The following OR2AG2 variants were observed in gnomAD, a reference collection of about 807,000 sequenced individuals.
The protein encoded by OR2AG2 is olfactory receptor family 2 subfamily AG member 2.
For synonymous variants in OR2AG2, 167 were observed against 157.1 expected, an observed-to-expected ratio of 1.06 and a Z score of -0.47; for missense variants, 390 against 391.9, an observed-to-expected ratio of 1.00 and a Z score of 0.04.
rs1847391640 is a variant in OR2AG2, at chr11:6,767,824, C to G, written c.*183G>C. ...TGATGTGTGCCAAATGAGTTTAACT[C>G]AAGATCATTGTACACACCAGATTCA... On this transcript the variant is annotated 3_prime_UTR_variant, in exon 2 of 2. Transcript: ENST00000641124. 1 of 577,484 alleles carries G rather than the reference C, an allele frequency of 1.7e-6. No homozygotes were observed. The highest frequency in any genetic ancestry group is 3.0e-6 in the Non-Finnish European group (1 of 335,668). 35.8% of individuals were successfully genotyped at this position (577,484 alleles called of 1,614,324 possible).
chr11:6,769,412 T>C lies in OR2AG2; in HGVS notation c.-455A>G, dbSNP rs12278907. On this transcript the variant is annotated 5_prime_UTR_variant, in exon 2 of 2. It removes an upstream start codon present in the reference 5' UTR. Transcript: ENST00000641124. ...TGTCTTCTCCCTTAAACCAGTCTCA[T>C]TGTTGTTGATTACTTTCCTCAGTAG... is the stretch of plus-strand genomic sequence containing the variant. The C allele has an allele frequency of 0.018, 2,820 of 158,154 alleles. 94 individuals carry two copies. Among genetic ancestry groups the C allele is most frequent in the African/African-American group, 0.064 (2,664 of 41,554 alleles). 9.8% of individuals were successfully genotyped at this position (158,154 alleles called of 1,614,324 possible).
rs994228585 is a variant in OR2AG2 at position 6,767,759 on chromosome 11, C to T, written c.*248G>A. ...CAACACCCATTCAAGGCTTTTCCCC[C>T]ATCTGGTTATTTTTATAACATGGGT... On this transcript the variant is annotated 3_prime_UTR_variant, in exon 2 of 2. Transcript: ENST00000641124. The T allele has an allele frequency of 2.1e-6, 1 of 486,808 alleles. No homozygotes were observed. Among genetic ancestry groups the T allele is most frequent in the South Asian group, 3.5e-5 (1 of 28,894 alleles). 30.2% of individuals were successfully genotyped at this position (486,808 alleles called of 1,614,324 possible).
chr11:6,765,634 A>G lies in OR2AG2; in HGVS notation c.*2373T>C, dbSNP rs2119645147. 1 of 152,282 alleles carries G rather than the reference A, an allele frequency of 6.6e-6. No individual in the cohort carries two copies. The highest frequency in any genetic ancestry group is 1.5e-5 in the Non-Finnish European group (1 of 68,002). 9.4% of individuals were successfully genotyped at this position (152,282 alleles called of 1,614,324 possible). ...ATATCACATGATCTCATTTATATGC[A>G]GAACCTGTAAGCTGAATTTACAGAA... On this transcript the variant is annotated 3_prime_UTR_variant, in exon 2 of 2. Coordinates refer to ENST00000641124, the MANE Select transcript of OR2AG2 (RefSeq NM_001004490.2).
chr11:6,768,132 C>T lies in OR2AG2; in HGVS notation c.826G>A (p.Val276Ile), dbSNP rs751623997. 2 of 1,614,096 alleles carry T rather than the reference C, an allele frequency of 1.2e-6. No homozygotes were observed. Among genetic ancestry groups the T allele is most frequent in the Non-Finnish European group, 1.7e-6 (2 of 1,180,018 alleles). ...HSPKQDNIIS[V>I]FYTIVTPALN... Reference sequence around the variant, plus strand: ...GCTGGAGTGACAATTGTGTAGAAAACAGAGATGATGTTGTCTTGTTTGGGG... The same window carrying T: ...GCTGGAGTGACAATTGTGTAGAAAATAGAGATGATGTTGTCTTGTTTGGGG... The change falls in exon 2 of 2, where the codon GTT becomes ATT. Residue 276 changes from valine (V) to isoleucine (I), a missense_variant. Coordinates refer to ENST00000641124, the MANE Select transcript of OR2AG2 (RefSeq NM_001004490.2).
In OR2AG2 at chr11:6,769,083, T is replaced by C. The variant is rs921011130; in HGVS notation, c.-126A>G. ...GGCCAATAGGAATCCCATAATATGA[T>C]ATATTTTCCATTTCTTAGTATGCCT... is the stretch of plus-strand genomic sequence containing the variant. On this transcript the variant is annotated 5_prime_UTR_variant, in exon 2 of 2. In the 5' UTR this introduces an upstream ATG that the reference lacks. Coordinates refer to ENST00000641124, the MANE Select transcript of OR2AG2 (RefSeq NM_001004490.2). 3.3e-6 allele frequency: 2 copies of C among 610,616 alleles called. No individual in the cohort carries two copies. The highest frequency in any genetic ancestry group is 1.8e-5 in the African/African-American group (1 of 54,354). The allele number at this position is 610,616 out of a possible 1,614,324, so 37.8% of individuals were successfully genotyped here. A position where few individuals can be genotyped will look rare whatever the true frequency, so the allele number is the denominator to read the frequency against.
chr11:6,771,167 T>C (rs1847443249), intron 1 of OR2AG2, among the ~76,000 whole-genome samples: 1 of 152,266 alleles, frequency 6.6e-6, no homozygotes, highest in South Asian at 2.1e-4. Flanking sequence ...TTCTTTTTCA[T>C]CTCTGCTCAG....
rs1249259398 is a variant in OR2AG2, at chr11:6,767,737, C to G, written c.*270G>C. 2.2e-6 allele frequency: 1 copy of G among 444,876 alleles called. No homozygotes were observed. Among genetic ancestry groups the G allele is most frequent in the African/African-American group, 2.0e-5 (1 of 50,534 alleles). The allele number at this position is 444,876 out of a possible 1,614,324, so 27.6% of individuals were successfully genotyped here. ...TGCCTACCACAGAGTGAGTCTACAA[C>G]ACCCATTCAAGGCTTTTCCCCCATC... On this transcript the variant is annotated 3_prime_UTR_variant, in exon 2 of 2. Coordinates refer to ENST00000641124, the MANE Select transcript of OR2AG2 (RefSeq NM_001004490.2).
In OR2AG2 at chr11:6,767,924, G is replaced by A. The variant is rs925885421; in HGVS notation, c.*83C>T. The stretch of plus-strand genomic sequence containing the variant: ...TACAGTATTGAAGAATGAGTGAGTA[G>A]AGAATTTTATTTGGAGCAGGAATGA... On this transcript the variant is annotated 3_prime_UTR_variant, in exon 2 of 2. Coordinates refer to ENST00000641124, the MANE Select transcript of OR2AG2 (RefSeq NM_001004490.2). The A allele has an allele frequency of 5.1e-6, 6 of 1,166,208 alleles. No homozygotes were observed. In the African/African-American group the frequency reaches 6.3e-5, roughly 12 times the overall value. The allele number at this position is 1,166,208 out of a possible 1,614,324, so 72.2% of individuals were successfully genotyped here.
rs967438450 is a variant in OR2AG2 at position 6,767,919 on chromosome 11, G to A, written c.*88C>T. ...CAGAGTACAGTATTGAAGAATGAGTGAGTAGAGAATTTTATTTGGAGCAGG... is the reference window on the plus strand; with the variant it reads ...CAGAGTACAGTATTGAAGAATGAGTAAGTAGAGAATTTTATTTGGAGCAGG... On this transcript the variant is annotated 3_prime_UTR_variant, in exon 2 of 2. Transcript: ENST00000641124. 2.8e-6 allele frequency: 3 copies of A among 1,089,882 alleles called. No individual in the cohort carries two copies. Among genetic ancestry groups the A allele is most frequent in the Non-Finnish European group, 2.6e-6 (2 of 756,440 alleles). 67.5% of individuals were successfully genotyped at this position (1,089,882 alleles called of 1,614,324 possible). A position where few individuals can be genotyped will look rare whatever the true frequency, so the allele number is the denominator to read the frequency against.
intron 1 of OR2AG2, among the ~76,000 whole-genome samples, chr11:6,770,402 A>T (rs533811600): frequency 1.4e-3 from 196 of 144,596 alleles, no homozygotes; most frequent in Admixed American, 5.4e-3. Flanking sequence ...GGATATAATT[A>T]AAAAAAAAAA....
chr11:6,767,955 T>TAG lies in OR2AG2; in HGVS notation c.*50_*51dup. 1 of 1,442,100 alleles carries TAG rather than the reference T, an allele frequency of 6.9e-7. No individual in the cohort carries two copies. The highest frequency in any genetic ancestry group is 9.5e-7 in the Non-Finnish European group (1 of 1,052,174). The allele number at this position is 1,442,100 out of a possible 1,614,324, so 89.3% of individuals were successfully genotyped here. Reference sequence around the variant, plus strand: ...TTTATTTGGAGCAGGAATGAGTGAGTAGAGAATTTTATCTGGAGGAGGAAT... The same window carrying TAG: ...TTTATTTGGAGCAGGAATGAGTGAGTAGAGAGAATTTTATCTGGAGGAGGAAT... On this transcript the variant is annotated 3_prime_UTR_variant, in exon 2 of 2. Transcript: ENST00000641124.
chr11:6,768,609 A>G lies in OR2AG2; in HGVS notation c.349T>C (p.Phe117Leu). The change falls in exon 2 of 2, where the codon TTC becomes CTC. Residue 117 changes from phenylalanine (F) to leucine (L), a missense_variant. By Grantham distance (22) the Phe-to-Leu change is conservative. Coordinates refer to ENST00000641124, the MANE Select transcript of OR2AG2 (RefSeq NM_001004490.2). ...GCCACATACCTGTCATAGGCCATGA[A>G]GGCCAGTAGGAGGTCCTCAGCGCTA... The part of the protein sequence containing the change: ...MGSAEDLLLA[F>L]MAYDRYVAIC... 6.2e-7 allele frequency: 1 copy of G among 1,614,226 alleles called. No homozygotes were observed. The highest frequency in any genetic ancestry group is 8.5e-7 in the Non-Finnish European group (1 of 1,180,034).
intron 1 of OR2AG2, among the ~76,000 whole-genome samples, chr11:6,769,862 AG>A (rs1463199802): frequency 1.3e-5 from 2 of 152,164 alleles, no homozygotes; most frequent in Non-Finnish European, 2.9e-5. Context: ...CTCTGCTGCT[AG>A]GGGTTGGGGA....
intron 1 of OR2AG2, among the ~76,000 whole-genome samples, 154 bp from the exon 2 acceptor site, chr11:6,769,648 G>T (rs1847428313): frequency 6.6e-6 from 1 of 152,150 alleles, no homozygotes; most frequent in African/African-American, 2.4e-5. Context: ...TGAGATTTGT[G>T]GTGGCATGGC....
Position 6,765,635 on chromosome 11 carries a change from G to A in OR2AG2, c.*2372C>T, listed in dbSNP as rs1847365892. Reference sequence around the variant, plus strand: ...TATCACATGATCTCATTTATATGCAGAACCTGTAAGCTGAATTTACAGAAA... The same window carrying A: ...TATCACATGATCTCATTTATATGCAAAACCTGTAAGCTGAATTTACAGAAA... On this transcript the variant is annotated 3_prime_UTR_variant, in exon 2 of 2. Transcript: ENST00000641124. 1 of 152,100 alleles carries A rather than the reference G, an allele frequency of 6.6e-6. No homozygotes were observed. The highest frequency in any genetic ancestry group is 1.5e-5 in the Non-Finnish European group (1 of 67,996). The allele number at this position is 152,100 out of a possible 1,614,324, so 9.4% of individuals were successfully genotyped here.
chr11:6,768,966 T>C lies in OR2AG2; in HGVS notation c.-9A>G, dbSNP rs779661603. ...GAGTTCCGGAGCTCCATGATGTGTTTTTTTAGTTGCCTAGAACCAAATATA... is the reference window on the plus strand; with the variant it reads ...GAGTTCCGGAGCTCCATGATGTGTTCTTTTAGTTGCCTAGAACCAAATATA... On this transcript the variant is annotated 5_prime_UTR_variant, in exon 2 of 2. Coordinates refer to ENST00000641124, the MANE Select transcript of OR2AG2 (RefSeq NM_001004490.2). 5 of 1,597,184 alleles carry C rather than the reference T, an allele frequency of 3.1e-6. No homozygotes were observed. The highest frequency in any genetic ancestry group is 4.3e-6 in the Non-Finnish European group (5 of 1,168,030).
chr11:6,769,026 T>C lies in OR2AG2; in HGVS notation c.-69A>G. 8.9e-7 allele frequency: 1 copy of C among 1,119,056 alleles called. No individual in the cohort carries two copies. Among genetic ancestry groups the C allele is most frequent in the Non-Finnish European group, 1.3e-6 (1 of 774,184 alleles). The allele number at this position is 1,119,056 out of a possible 1,614,324, so 69.3% of individuals were successfully genotyped here. A position where few individuals can be genotyped will look rare whatever the true frequency, so the allele number is the denominator to read the frequency against. On this transcript the variant is annotated 5_prime_UTR_variant, in exon 2 of 2. Transcript: ENST00000641124. ...GAAGCTTTTCTAAAGGTGTTCACTC[T>C]AGCTTTGGATTGTTCTAGGTCACTG...
Position 6,766,463 on chromosome 11 carries a change from C to T in OR2AG2, c.*1544G>A, listed in dbSNP as rs936369438. ...TTTATTCTAATTTTTTTAATTTTCT[C>T]AGTTTTTATAACAAAGTTGGATTAA... On this transcript the variant is annotated 3_prime_UTR_variant, in exon 2 of 2. Transcript: ENST00000641124. 3.3e-5 allele frequency: 5 copies of T among 151,856 alleles called. No homozygotes were observed. Among genetic ancestry groups the T allele is most frequent in the South Asian group, 4.2e-4 (2 of 4,802 alleles). The allele number at this position is 151,856 out of a possible 1,614,324, so 9.4% of individuals were successfully genotyped here.
intron 1 of OR2AG2, among the ~76,000 whole-genome samples, chr11:6,769,937 G>GT (rs1319908503): frequency 6.6e-6 from 1 of 152,180 alleles, no homozygotes; most frequent in Non-Finnish European, 1.5e-5. Flanking sequence ...TGTGAATGCA[G>GT]TTTTTTCACA....
Sources: allele counts gnomAD v4.1 joint callset (sites outside exome capture counted in the v4.1 genomes callset), GRCh38; gene constraint gnomAD v4.1.1; transcripts MANE v1.5; gene names NCBI Gene and HGNC (gene_info 2026-07-23, HGNC 2026-07-21).